The following SCN4B variants were observed in gnomAD, a reference collection of about 807,000 sequenced individuals.
SCN4B encodes the protein sodium voltage-gated channel beta subunit 4, also known as sodium channel regulatory subunit beta-4.
SCN4B carries 20 observed loss-of-function variants against 19.6 expected under a neutral mutation model. The observed-to-expected ratio is 1.02, with a 90% CI of 0.72 to 1.48. The LOEUF (loss-of-function observed/expected upper bound fraction) is 1.48. Among genes scored for constraint, SCN4B ranks in the 40% most tolerant of loss-of-function variants. The pLI is 0.00. For synonymous variants in SCN4B, 127 were observed against 122.8 expected (o/e 1.03, Z -0.22); for missense variants, 271 against 287.5 (o/e 0.94, Z 0.42).
At chr11:118,137,830 G>C (rs554351672) in intron 4 of SCN4B, among the ~76,000 whole-genome samples, 1 of 152,176 alleles carries the variant, frequency 6.6e-6, no homozygotes, top group Non-Finnish European at 1.5e-5. Context: ...GTATGCTGAG[G>C]ACACAGAGTC....
At chr11:118,139,077 C>G (rs888552330) in intron 4 of SCN4B, among the ~76,000 whole-genome samples, 1 of 152,158 alleles carries the variant, frequency 6.6e-6, no homozygotes, top group Admixed American at 6.5e-5. Flanking sequence ...CCCTGCAAGC[C>G]CTCGCCAGCT....
chr11:118,147,993 T>C (rs866770926), intron 1 of SCN4B, among the ~76,000 whole-genome samples: 1 of 152,164 alleles, frequency 6.6e-6, no homozygotes, highest in Non-Finnish European at 1.5e-5. Context: ...GAGCAAAAGA[T>C]GGGTCCAGAA....
intron 4 of SCN4B, among the ~76,000 whole-genome samples, chr11:118,140,256 C>T (rs913056709): frequency 1.3e-5 from 2 of 152,212 alleles, no homozygotes; most frequent in African/African-American, 2.4e-5. Flanking sequence ...CCCTTGAGCT[C>T]TTCATCGACA....
rs560899984 is a variant in SCN4B, at chr11:118,141,096, G to A, written c.593+111C>T. On this transcript the variant is annotated intron_variant, in intron 4 of 4. Coordinates refer to ENST00000324727, the MANE Select transcript of SCN4B (RefSeq NM_174934.4). ...GCAGGGATAGAACAGAGAGCGGTAG[G>A]AATGGGAATGGGGGGAAGGAGGAGG... 5 of 1,221,264 alleles carry A rather than the reference G, an allele frequency of 4.1e-6. No individual in the cohort carries two copies. The African/African-American group carries it at 4.5e-5, about 11-fold the overall frequency. 75.7% of individuals were successfully genotyped at this position (1,221,264 alleles called of 1,614,324 possible). A position where few individuals can be genotyped will look rare whatever the true frequency, so the allele number is the denominator to read the frequency against.
rs1433233128 is a variant in SCN4B, at chr11:118,145,185, C to T, written c.106G>A (p.Gly36Arg). 1 of 1,602,278 alleles carries T rather than the reference C, an allele frequency of 6.2e-7. No individual in the cohort carries two copies. Residue 36 changes from glycine (G) to arginine (R), a missense_variant, in exon 2 of 5, where the codon GGA (glycine) becomes AGA (arginine). Coordinates refer to ENST00000324727, the MANE Select transcript of SCN4B (RefSeq NM_174934.4). ...PVTLSLEVSVGKATDIYAVNG... is the reference protein window; with the variant it reads ...PVTLSLEVSVRKATDIYAVNG... ...ACAGCGTAGATGTCGGTGGCCTTTC[C>T]CACAGACACCTCCAGCGACAGGGTT...
intron 4 of SCN4B, among the ~76,000 whole-genome samples, chr11:118,140,419 A>G (rs1948079770): frequency 6.6e-6 from 1 of 152,234 alleles, no homozygotes. Flanking sequence ...TGTTTCAGCA[A>G]ATAGGGGCAG....
At chr11:118,139,254 C>T (rs1452572083) in intron 4 of SCN4B, among the ~76,000 whole-genome samples, 1 of 152,144 alleles carries the variant, frequency 6.6e-6, no homozygotes, top group Non-Finnish European at 1.5e-5. Context: ...GACTCTCTGC[C>T]TTGGCTCTCA....
intron 1 of SCN4B, chr11:118,145,501 G>A: frequency 1.5e-6 from 2 of 1,362,408 alleles, no homozygotes; most frequent in Non-Finnish European, 1.9e-6. Context: ...CCAACCCAAG[G>A]AAACAAAGGC....
chr11:118,145,012 G>T, intron 2 of SCN4B, 45 bp downstream of exon 2: 1 of 1,591,408 alleles, frequency 6.3e-7, no homozygotes, highest in South Asian at 1.1e-5. Context: ...GGCGAGGCAT[G>T]GGTGAGGGAG....
Position 118,144,022 on chromosome 11 carries a change from T to C in SCN4B, c.274A>G (p.Lys92Glu). 6.2e-7 allele frequency: 1 copy of C among 1,614,086 alleles called. No individual in the cohort carries two copies. Among genetic ancestry groups the C allele is most frequent in the Non-Finnish European group, 8.5e-7 (1 of 1,179,960 alleles). Reference protein sequence around the residue: ...GTVKNEKSDPKVTLKDDDRIT... With the variant: ...GTVKNEKSDPEVTLKDDDRIT... Reference sequence around the variant, plus strand: ...CGGTCATCGTCTTTCAACGTCACCTTGGGGTCAGACTTCTCATTCTTCACA... The same window carrying C: ...CGGTCATCGTCTTTCAACGTCACCTCGGGGTCAGACTTCTCATTCTTCACA... The change falls in exon 3 of 5, where the codon AAG becomes GAG. Residue 92 changes from lysine (K) to glutamate (E), a missense_variant. Coordinates refer to ENST00000324727, the MANE Select transcript of SCN4B (RefSeq NM_174934.4).
chr11:118,139,281 G>C (rs1225211556), intron 4 of SCN4B, among the ~76,000 whole-genome samples: 2 of 151,954 alleles, frequency 1.3e-5, no homozygotes, highest in African/African-American at 4.8e-5. Flanking sequence ...CCTCCATCTG[G>C]AAGAATCTTC....
At chr11:118,150,459 C>A (rs895128439) in intron 1 of SCN4B, among the ~76,000 whole-genome samples, 1 of 152,124 alleles carries the variant, frequency 6.6e-6, no homozygotes, top group Non-Finnish European at 1.5e-5. Flanking sequence ...TTTATCCTTC[C>A]ACACTCATGC....
chr11:118,150,511 A>C (rs566028806), intron 1 of SCN4B, among the ~76,000 whole-genome samples: 1 of 152,050 alleles, frequency 6.6e-6, no homozygotes, highest in Non-Finnish European at 1.5e-5. Context: ...CACAATCACT[A>C]TTTACCTTCC....
intron 1 of SCN4B, among the ~76,000 whole-genome samples, chr11:118,150,359 C>A (rs573879299): frequency 1.6e-3 from 240 of 152,166 alleles, no homozygotes; most frequent in Non-Finnish European, 2.2e-3. Flanking sequence ...GGGTTTGATA[C>A]GGGGAGAGGG....
chr11:118,134,848 C>T lies in SCN4B; in HGVS notation c.*2179G>A, dbSNP rs1280743526. The stretch of plus-strand genomic sequence containing the variant: ...AGACAAAACTTGCCAAGCCTCACAA[C>T]AGTCCTGTGAGGTAGGTAAGTATTA... On this transcript the variant is annotated 3_prime_UTR_variant, in exon 5 of 5. Coordinates refer to ENST00000324727, the MANE Select transcript of SCN4B (RefSeq NM_174934.4). 1 of 454,072 alleles carries T rather than the reference C, an allele frequency of 2.2e-6. No individual in the cohort carries two copies. The highest frequency in any genetic ancestry group is 1.6e-5 in the South Asian group (1 of 64,474). The allele number at this position is 454,072 out of a possible 1,614,324, so 28.1% of individuals were successfully genotyped here.
intron 4 of SCN4B, among the ~76,000 whole-genome samples, chr11:118,139,849 C>T (rs1948071277): frequency 6.6e-6 from 1 of 151,226 alleles, no homozygotes; most frequent in African/African-American, 2.4e-5. Context: ...GAGCAATCTC[C>T]TGTTCTGCCA....
At chr11:118,141,631 C>A in intron 3 of SCN4B, 1 of 473,122 alleles carries the variant, frequency 2.1e-6, no homozygotes, top group South Asian at 2.3e-5. Context: ...GCCTATAACA[C>A]TCAAGTTTGA....
chr11:118,139,724 G>A (rs1948070328), intron 4 of SCN4B, among the ~76,000 whole-genome samples: 1 of 152,158 alleles, frequency 6.6e-6, no homozygotes, highest in Admixed American at 6.5e-5. Flanking sequence ...TCACTACTCT[G>A]AGCCTCACTT....
At chr11:118,149,473 C>T (rs1311256147) in intron 1 of SCN4B, among the ~76,000 whole-genome samples, 6 of 152,198 alleles carry the variant, frequency 3.9e-5, no homozygotes. Context: ...TCCTGGGGTG[C>T]AGGCCCTGGG....
Sources: allele counts gnomAD v4.1 joint callset (sites outside exome capture counted in the v4.1 genomes callset), GRCh38; gene constraint gnomAD v4.1.1; transcripts MANE v1.5; gene names NCBI Gene and HGNC (gene_info 2026-07-23, HGNC 2026-07-21).